DIPK2A: variants seen among roughly 807,000 people sequenced by gnomAD.
The protein encoded by DIPK2A is divergent protein kinase domain 2A, also known as Golgi Protein of 49 kDa.
In DIPK2A, 27 loss-of-function variants were observed where a neutral mutation model predicts 39.0. The ratio of observed to expected loss-of-function variants is 0.69; its 90% CI spans 0.51 to 0.96. The LOEUF is 0.96. Among genes scored for constraint, DIPK2A ranks in the 40% least tolerant of loss-of-function variants. The pLI is 0.00. For missense variants in DIPK2A, 528 were observed against 571.3 expected (o/e 0.92, Z 0.77); for synonymous variants, 298 against 240.8 (o/e 1.24, Z -2.20).
intron 1 of DIPK2A, among the ~76,000 whole-genome samples, chr3:143,981,334 A>G (rs543481801): frequency 3.9e-5 from 6 of 152,222 alleles, no homozygotes; most frequent in Non-Finnish European, 7.3e-5. Context: ...GTTTGATTCT[A>G]TAAGTCCCAA....
At chr3:143,985,455 A>G in intron 1 of DIPK2A, 88 bp from the exon 2 acceptor site, 1 of 1,113,394 alleles carries the variant, frequency 9.0e-7, no homozygotes, top group Non-Finnish European at 1.3e-6. Flanking sequence ...AGTCATTCCT[A>G]GTAGCAATCT....
At chr3:143,982,937 TAGTC>T (rs1370780563) in intron 1 of DIPK2A, among the ~76,000 whole-genome samples, 2 of 152,002 alleles carry the variant, frequency 1.3e-5, no homozygotes, top group Non-Finnish European at 2.9e-5. Flanking sequence ...GTTGCAATCC[TAGTC>T]TCTGATAAAA....
At chr3:143,976,942 TGCATTTGATCA>T (rs2087739352) in intron 1 of DIPK2A, among the ~76,000 whole-genome samples, 1 of 152,072 alleles carries the variant, frequency 6.6e-6, no homozygotes, top group African/African-American at 2.4e-5. Context: ...AACTGCCTGG[TGCATTTGATCA>T]GCTGTTTTGA....
In DIPK2A at chr3:143,972,336, T is replaced by C. The variant is rs2087662188; in HGVS notation, c.4T>C (p.Trp2Arg). 2 of 1,356,728 alleles carry C rather than the reference T, an allele frequency of 1.5e-6. No individual in the cohort carries two copies. Among genetic ancestry groups the C allele is most frequent in the Non-Finnish European group, 1.9e-6 (2 of 1,059,140 alleles). The allele number at this position is 1,356,728 out of a possible 1,614,324, so 84.0% of individuals were successfully genotyped here. A position where few individuals can be genotyped will look rare whatever the true frequency, so the allele number is the denominator to read the frequency against. Residue 2 changes from tryptophan to arginine, a missense_variant, in exon 1 of 3, where the codon TGG becomes CGG. Transcript: ENST00000315691. Reference protein sequence around the residue: MWRLVPPKLGRL... With the variant: MRRLVPPKLGRL... Reference sequence around the variant, plus strand: ...CCGTTGCGGGCGGGCGGGCGGTATGTGGCGCCTGGTGCCCCCGAAGCTGGG... The same window carrying C: ...CCGTTGCGGGCGGGCGGGCGGTATGCGGCGCCTGGTGCCCCCGAAGCTGGG...
At chr3:143,984,060 T>C (rs969429500) in intron 1 of DIPK2A, among the ~76,000 whole-genome samples, 1 of 152,242 alleles carries the variant, frequency 6.6e-6, no homozygotes, top group African/African-American at 2.4e-5. Context: ...TTAACCAGCC[T>C]CTGCTAGCTT....
chr3:143,982,899 C>CA (rs1202392923), intron 1 of DIPK2A, among the ~76,000 whole-genome samples: 58 of 149,484 alleles, frequency 3.9e-4, no homozygotes, highest in African/African-American at 8.3e-4. Context: ...AAATGGAAAG[C>CA]AAAAAAAACA....
intron 1 of DIPK2A, among the ~76,000 whole-genome samples, chr3:143,980,127 CATT>C (rs1559854715): frequency 1.3e-5 from 2 of 152,198 alleles, no homozygotes; most frequent in Non-Finnish European, 2.9e-5. Flanking sequence ...ACTGTGAACA[CATT>C]AGTCTGTCAC....
intron 1 of DIPK2A, among the ~76,000 whole-genome samples, chr3:143,974,727 T>A (rs2087706023): frequency 6.6e-6 from 1 of 152,082 alleles, no homozygotes; most frequent in African/African-American, 2.4e-5. Flanking sequence ...TAATTTTGAA[T>A]AGTGATGTAT....
intron 1 of DIPK2A, among the ~76,000 whole-genome samples, chr3:143,981,148 T>C (rs1328628860): frequency 2.0e-5 from 3 of 152,202 alleles, no homozygotes; most frequent in Non-Finnish European, 4.4e-5. Flanking sequence ...TGGATATTGA[T>C]CAAAGGGTTA....
intron 1 of DIPK2A, among the ~76,000 whole-genome samples, chr3:143,981,205 A>G (rs1366888966): frequency 1.3e-5 from 2 of 152,232 alleles, no homozygotes; most frequent in African/African-American, 4.8e-5. Flanking sequence ...TAAATATACC[A>G]TAGCATACTG....
rs754437307 is a variant in DIPK2A, at chr3:143,972,891, A to T, written c.559A>T (p.Lys187Ter). ...DRLVRRYAET[K>*]DSGSFLLRNL... ...CCTGGTGCGCCGCTACGCGGAGACC[A>T]AGGACTCGGGCAGCTTCCTGCTTCG... is the stretch of plus-strand genomic sequence containing the variant. The change falls in exon 1 of 3, where the codon AAG becomes TAG. Residue 187 changes from lysine to a stop codon, truncating the protein, a stop_gained. Transcript: ENST00000315691. LOFTEE classifies it high-confidence loss of function. The T allele has an allele frequency of 1.3e-6, 2 of 1,581,272 alleles. No homozygotes were observed. The highest frequency in any genetic ancestry group is 1.7e-6 in the Non-Finnish European group (2 of 1,165,888).
At position 143,972,092 on chromosome 3, in the gene DIPK2A, G is replaced by A; in HGVS notation, c.-241G>A. The A allele has an allele frequency of 2.6e-6, 1 of 389,318 alleles. No homozygotes were observed. Among genetic ancestry groups the A allele is most frequent in the Non-Finnish European group, 4.5e-6 (1 of 221,006 alleles). 24.1% of individuals were successfully genotyped at this position (389,318 alleles called of 1,614,324 possible). A position where few individuals can be genotyped will look rare whatever the true frequency, so the allele number is the denominator to read the frequency against. ...CGCCGCCGGAGTCGGAGGGCGGGGAGCTAGGAGGAGGGAGCTCGAGAGTTG... is the reference window on the plus strand; with the variant it reads ...CGCCGCCGGAGTCGGAGGGCGGGGAACTAGGAGGAGGGAGCTCGAGAGTTG... On this transcript the variant is annotated 5_prime_UTR_variant, in exon 1 of 3. Coordinates refer to ENST00000315691, the MANE Select transcript of DIPK2A (RefSeq NM_173552.5).
intron 2 of DIPK2A, among the ~76,000 whole-genome samples, chr3:143,987,343 T>C (rs2087918426): frequency 6.6e-6 from 1 of 152,250 alleles, no homozygotes; most frequent in Admixed American, 6.5e-5. Context: ...TAATTATTAC[T>C]AATTCCTGAC....
Position 143,991,548 on chromosome 3 carries a change from T to TTTA in DIPK2A, c.*1709_*1711dup, listed in dbSNP as rs1446048351. The TTTA allele has an allele frequency of 3.9e-5, 6 of 152,592 alleles. No individual in the cohort carries two copies. Among genetic ancestry groups the TTTA allele is most frequent in the Non-Finnish European group, 8.8e-5 (6 of 68,014 alleles). 9.5% of individuals were successfully genotyped at this position (152,592 alleles called of 1,614,324 possible). On this transcript the variant is annotated 3_prime_UTR_variant, in exon 3 of 3. Coordinates refer to ENST00000315691, the MANE Select transcript of DIPK2A (RefSeq NM_173552.5). ...AAATAGGAGGATGAAGTCAATAAAG[T>TTTA]TTATGCCAGTTTAAAAACTGGAAGG...
chr3:143,972,781 A>G lies in DIPK2A; in HGVS notation c.449A>G (p.Asn150Ser), dbSNP rs933425230. The G allele has an allele frequency of 1.9e-6, 3 of 1,569,574 alleles. No homozygotes were observed. The highest frequency in any genetic ancestry group is 1.8e-5 in the Admixed American group (1 of 55,158). The change falls in exon 1 of 3, where the codon AAC (asparagine) becomes AGC (serine). Residue 150 changes from asparagine (N) to serine (S), a missense_variant. By Grantham distance (46) the Asn-to-Ser change is conservative. Coordinates refer to ENST00000315691, the MANE Select transcript of DIPK2A (RefSeq NM_173552.5). ...CCCCGGACCGAGTTCGCGCGCCTCA[A>G]CGGCGACGTGCGTCTGCTCACGCCC... is the stretch of plus-strand genomic sequence containing the variant. ...AMPRTEFARL[N>S]GDVRLLTPEA... is the part of the protein sequence containing the mutation.
chr3:143,978,689 T>TAGATATATATATATCTATATAG lies in DIPK2A; in HGVS notation c.657+5701_657+5702insGATATATATATATCTATATAGA, dbSNP rs1426761492. On this transcript the variant is annotated intron_variant, in intron 1 of 2. Coordinates refer to ENST00000315691, the MANE Select transcript of DIPK2A (RefSeq NM_173552.5). ...ATATAGATATATATATATCTATATATATATATATATATACTGTCACATGAC... is the reference window on the plus strand; with the variant it reads ...ATATAGATATATATATATCTATATATAGATATATATATATCTATATAGATATATATATATACTGTCACATGAC... Among the ~76,000 whole-genome samples, 79 of 134,732 alleles carry TAGATATATATATATCTATATAG rather than the reference T, an allele frequency of 5.9e-4. 1 individual carries two copies. Among genetic ancestry groups the TAGATATATATATATCTATATAG allele is most frequent in the East Asian group, 1.0e-3 (5 of 4,856 alleles). The allele number at this position is 134,732 out of a possible 152,430, so 88.4% of individuals were successfully genotyped here.
At chr3:143,982,285 C>T (rs1272941578) in intron 1 of DIPK2A, among the ~76,000 whole-genome samples, 2 of 151,932 alleles carry the variant, frequency 1.3e-5, no homozygotes, top group African/African-American at 2.4e-5. Context: ...TTGTAGATGC[C>T]GTTTTAGTAG....
chr3:143,973,631 T>G (rs2087689596), intron 1 of DIPK2A: 3 of 1,275,960 alleles, frequency 2.4e-6, no homozygotes, highest in East Asian at 2.5e-5. Context: ...AAGGCAGCGT[T>G]GGACTTGGGG....
intron 1 of DIPK2A, among the ~76,000 whole-genome samples, chr3:143,980,274 T>G (rs1247011683): frequency 6.6e-6 from 1 of 151,896 alleles, no homozygotes; most frequent in Non-Finnish European, 1.5e-5. Flanking sequence ...TTCTTATGTG[T>G]CTGTCTGTCT....
Sources: gnomAD v4.1 joint callset for allele counts (sites outside exome capture counted in the v4.1 genomes callset) on GRCh38, gnomAD v4.1.1 for gene constraint, MANE v1.5 for transcripts, NCBI Gene and HGNC (gene_info 2026-07-23, HGNC 2026-07-21) for gene names.